THSD7B: variants seen among roughly 807,000 people sequenced by gnomAD.
The protein encoded by THSD7B is thrombospondin type 1 domain containing 7B, also known as thrombospondin type-1 domain-containing protein 7B.
In THSD7B, 138 loss-of-function variants were observed where a neutral mutation model predicts 213.6. The observed-to-expected ratio is 0.65, with a 90% CI of 0.56 to 0.74. The LOEUF (loss-of-function observed/expected upper bound fraction) is 0.74. Ranked by LOEUF, THSD7B falls within the 30% of genes least tolerant of loss-of-function variation. THSD7B has a pLI of 0.00. For missense variants in THSD7B, 1,931 were observed against 1,991.5 expected (o/e 0.97, Z 0.58); for synonymous variants, 742 against 687.0 (o/e 1.08, Z -1.25).
chr2:137,119,322 T>A (rs1286477005), intron 5 of THSD7B, among the ~76,000 whole-genome samples: 2 of 152,234 alleles, frequency 1.3e-5, no homozygotes, highest in Non-Finnish European at 2.9e-5. Flanking sequence ...TGCACTAAAG[T>A]ACATCTGTCA....
intron 15 of THSD7B, among the ~76,000 whole-genome samples, chr2:137,552,290 A>G (rs761536852): frequency 2.0e-5 from 3 of 152,128 alleles, no homozygotes; most frequent in Non-Finnish European, 2.9e-5. Context: ...GCAGGAATTT[A>G]GAACTATTAG....
chr2:137,425,756 C>T (rs1204363168), intron 14 of THSD7B, among the ~76,000 whole-genome samples: 4 of 152,082 alleles, frequency 2.6e-5, no homozygotes, highest in African/African-American at 9.7e-5. Context: ...AAGTTGAAAG[C>T]TTTTTCTCTG....
chr2:137,255,145 C>G (rs1682276742), intron 10 of THSD7B, among the ~76,000 whole-genome samples: 1 of 152,134 alleles, frequency 6.6e-6, no homozygotes, highest in South Asian at 2.1e-4. Context: ...CCCAAACTAT[C>G]TTTCCTTCCA....
At chr2:137,307,978 G>A (rs897443032) in intron 12 of THSD7B, among the ~76,000 whole-genome samples, 1 of 151,902 alleles carries the variant, frequency 6.6e-6, no homozygotes, top group African/African-American at 2.4e-5. Flanking sequence ...GGGAGGCAGG[G>A]GTGCAAATAG....
intron 17 of THSD7B, among the ~76,000 whole-genome samples, chr2:137,593,188 C>A (rs984172386): frequency 6.6e-6 from 1 of 151,882 alleles, no homozygotes; most frequent in African/African-American, 2.4e-5. Flanking sequence ...ACATTTGGTT[C>A]ATTTCTAGTT....
intron 2 of THSD7B, among the ~76,000 whole-genome samples, chr2:136,926,327 A>G (rs1280562862): frequency 6.6e-6 from 1 of 151,032 alleles, no homozygotes; most frequent in East Asian, 1.9e-4. Context: ...CTTCCTCTTC[A>G]TCTAAACCCC....
At chr2:137,498,825 C>G (rs1679634898) in intron 15 of THSD7B, among the ~76,000 whole-genome samples, 1 of 152,124 alleles carries the variant, frequency 6.6e-6, no homozygotes, top group Non-Finnish European at 1.5e-5. Flanking sequence ...GAGCAGAGGC[C>G]TAAGTGAGAG....
intron 7 of THSD7B, among the ~76,000 whole-genome samples, chr2:137,202,327 G>A (rs958317824): frequency 4.6e-5 from 7 of 152,056 alleles, no homozygotes; most frequent in African/African-American, 1.2e-4. Flanking sequence ...AGGATTTGAG[G>A]TAATGAGATA....
intron 5 of THSD7B, among the ~76,000 whole-genome samples, chr2:137,126,262 C>T (rs913651126): frequency 1.3e-5 from 2 of 152,188 alleles, no homozygotes; most frequent in South Asian, 4.1e-4. Flanking sequence ...CAATATAAGG[C>T]TGTTTCGTCT....
intron 12 of THSD7B, among the ~76,000 whole-genome samples, chr2:137,355,744 A>G (rs1341581223): frequency 1.3e-5 from 2 of 152,194 alleles, no homozygotes; most frequent in African/African-American, 4.8e-5. Context: ...TCAGCTGTGT[A>G]ACAGCTATTT....
rs559110595 is a variant in THSD7B, at chr2:137,299,487, C to A, written c.2500+23461C>A. On this transcript the variant is annotated intron_variant, in intron 12 of 27. Transcript: ENST00000409968. Reference sequence around the variant, plus strand: ...TGAGGACATGAGATTTGGGAGGGGCCGGGGTGGAGTGATATGGTTTGGCTG... The same window carrying A: ...TGAGGACATGAGATTTGGGAGGGGCAGGGGTGGAGTGATATGGTTTGGCTG... 3.3e-5 allele frequency among the ~76,000 whole-genome samples: 5 copies of A among 151,780 alleles called. 1 individual carries two copies. The South Asian group carries it at 8.4e-4, about 26-fold the overall frequency.
intron 1 of THSD7B, among the ~76,000 whole-genome samples, chr2:136,874,090 C>T (rs1203928240): frequency 1.3e-5 from 2 of 152,164 alleles, no homozygotes; most frequent in Non-Finnish European, 2.9e-5. Flanking sequence ...AGAGAACCTA[C>T]ATCAGGCTAT....
At chr2:137,534,098 G>A (rs548634462) in intron 15 of THSD7B, among the ~76,000 whole-genome samples, 77 of 151,216 alleles carry the variant, frequency 5.1e-4, no homozygotes, top group Middle Eastern at 6.8e-3. Flanking sequence ...TTGATCTTCT[G>A]TAGTGTTTGA....
intron 7 of THSD7B, among the ~76,000 whole-genome samples, chr2:137,220,896 A>C (rs1171750518): frequency 6.6e-6 from 1 of 152,194 alleles, no homozygotes; most frequent in African/African-American, 2.4e-5. Context: ...CCTAAATTGC[A>C]CTTTGCTGTG....
intron 10 of THSD7B, 62 bp downstream of exon 10, chr2:137,242,634 G>C: frequency 1.6e-6 from 2 of 1,260,466 alleles, no homozygotes; most frequent in South Asian, 1.3e-5. Context: ...CCACATCTAA[G>C]TAAGTGAGAG....
chr2:137,287,608 C>G (rs992815912), intron 12 of THSD7B, among the ~76,000 whole-genome samples: 1 of 152,078 alleles, frequency 6.6e-6, no homozygotes, highest in Non-Finnish European at 1.5e-5. Flanking sequence ...TTTAGTAACA[C>G]AGTATGAACT....
chr2:137,334,888 A>T (rs1294164806), intron 12 of THSD7B, among the ~76,000 whole-genome samples: 1 of 152,124 alleles, frequency 6.6e-6, no homozygotes, highest in Non-Finnish European at 1.5e-5. Context: ...TGCTGTTCTC[A>T]TGATAATGAG....
chr2:137,128,905 C>CT (rs1688674883), intron 5 of THSD7B, among the ~76,000 whole-genome samples: 1 of 152,160 alleles, frequency 6.6e-6, no homozygotes, highest in Non-Finnish European at 1.5e-5. Flanking sequence ...ATGAAAAGAA[C>CT]TTTAAGTGTC....
At chr2:136,918,913 C>T (rs1684390842) in intron 2 of THSD7B, among the ~76,000 whole-genome samples, 1 of 152,174 alleles carries the variant, frequency 6.6e-6, no homozygotes, top group African/African-American at 2.4e-5. Context: ...TAAACAGCTT[C>T]TCTACACTGG....
Sources: gnomAD v4.1 joint callset for allele counts (sites outside exome capture counted in the v4.1 genomes callset) on GRCh38, gnomAD v4.1.1 for gene constraint, MANE v1.5 for transcripts, NCBI Gene and HGNC (gene_info 2026-07-23, HGNC 2026-07-21) for gene names.